Variants in FKTN observed in about 807,000 individuals in gnomAD.
FKTN encodes fukutin.
In FKTN, 47 loss-of-function variants were observed where a neutral mutation model predicts 58.6. The ratio of observed to expected loss-of-function variants is 0.80; its 90% CI spans 0.63 to 1.02. The LOEUF (loss-of-function observed/expected upper bound fraction) is 1.02. FKTN is among the 50% of genes least tolerant of loss of function. FKTN has a pLI of 0.00. For missense variants in FKTN, 516 were observed against 537.3 expected, an observed-to-expected ratio of 0.96 and a Z score of 0.39; for synonymous variants, 178 against 191.9, an observed-to-expected ratio of 0.93 and a Z score of 0.60.
intron 3 of FKTN, among the ~76,000 whole-genome samples, chr9:105,592,703 T>C (rs981734122): frequency 6.6e-6 from 1 of 152,198 alleles, no homozygotes; most frequent in Non-Finnish European, 1.5e-5. Flanking sequence ...GTTCAGAGTT[T>C]CACAGATCTC....
intron 10 of FKTN, among the ~76,000 whole-genome samples, chr9:105,628,191 G>A (rs1451773332): frequency 6.6e-6 from 1 of 152,054 alleles, no homozygotes; most frequent in Non-Finnish European, 1.5e-5. Context: ...TTCTTTAAAT[G>A]AGTGTATTTA....
intron 3 of FKTN, among the ~76,000 whole-genome samples, chr9:105,577,704 A>T (rs1842010210): frequency 1.3e-5 from 2 of 151,298 alleles, no homozygotes; most frequent in Non-Finnish European, 2.9e-5. Context: ...AATTCTGTGA[A>T]GAAAGTCATT....
chr9:105,565,036 TC>T (rs878866986), intron 1 of FKTN, among the ~76,000 whole-genome samples: 1 of 152,138 alleles, frequency 6.6e-6, no homozygotes, highest in South Asian at 2.1e-4. Context: ...GAATTTCATA[TC>T]CAGCCAAACT....
intron 3 of FKTN, among the ~76,000 whole-genome samples, chr9:105,590,834 G>A (rs1390061739): frequency 1.3e-5 from 2 of 152,132 alleles, no homozygotes; most frequent in Non-Finnish European, 2.9e-5. Flanking sequence ...TCATGGTTCT[G>A]CAGGCTGTAG....
intron 1 of FKTN, among the ~76,000 whole-genome samples, chr9:105,570,954 T>A (rs144646283): frequency 6.6e-6 from 1 of 152,300 alleles, no homozygotes; most frequent in African/African-American, 2.4e-5. Flanking sequence ...GGAATACTCA[T>A]GCAAAAACCA....
At chr9:105,577,750 T>A (rs1842018997) in intron 3 of FKTN, among the ~76,000 whole-genome samples, 1 of 151,090 alleles carries the variant, frequency 6.6e-6, no homozygotes, top group African/African-American at 2.5e-5. Context: ...ATCTGTAAAT[T>A]ACCTTGGGCA....
chr9:105,614,242 T>C (rs1205658565), intron 7 of FKTN, among the ~76,000 whole-genome samples: 1 of 152,164 alleles, frequency 6.6e-6, no homozygotes, highest in Admixed American at 6.5e-5. Context: ...AAAACCAAGA[T>C]GACTAAATGA....
At chr9:105,591,588 C>A (rs554392707) in intron 3 of FKTN, among the ~76,000 whole-genome samples, 3 of 152,292 alleles carry the variant, frequency 2.0e-5, no homozygotes, top group East Asian at 1.9e-4. Flanking sequence ...GTTCAGCCCC[C>A]ACAACTGCTC....
At chr9:105,588,628 C>G (rs778297163) in intron 3 of FKTN, among the ~76,000 whole-genome samples, 19 of 152,184 alleles carry the variant, frequency 1.2e-4, no homozygotes, top group Admixed American at 3.3e-4. Context: ...CACTTCATAA[C>G]TTTTCTGTTC....
intron 1 of FKTN, among the ~76,000 whole-genome samples, chr9:105,572,028 T>G (rs529225090): frequency 5.3e-4 from 80 of 152,300 alleles, no homozygotes; most frequent in African/African-American, 1.9e-3. Flanking sequence ...AAACCTCTAT[T>G]TGATAATTGT....
chr9:105,588,251 C>T (rs896613122), intron 3 of FKTN, among the ~76,000 whole-genome samples: 7 of 152,192 alleles, frequency 4.6e-5, no homozygotes, highest in African/African-American at 1.7e-4. Flanking sequence ...TCAGTTGCTA[C>T]CAGACTTTTC....
At chr9:105,613,242 C>T (rs1181675663) in intron 7 of FKTN, among the ~76,000 whole-genome samples, 1 of 152,192 alleles carries the variant, frequency 6.6e-6, no homozygotes, top group Non-Finnish European at 1.5e-5. Context: ...AGGTCTCCAC[C>T]TCTTAACTCC....
intron 4 of FKTN, among the ~76,000 whole-genome samples, chr9:105,599,405 T>C (rs1284768853): frequency 2.0e-5 from 3 of 151,998 alleles, no homozygotes; most frequent in Non-Finnish European, 2.9e-5. Flanking sequence ...TTTTATTAAG[T>C]ATTTTTGCAT....
At chr9:105,586,616 A>G (rs1048639494) in intron 3 of FKTN, among the ~76,000 whole-genome samples, 1 of 152,234 alleles carries the variant, frequency 6.6e-6, no homozygotes, top group African/African-American at 2.4e-5. Flanking sequence ...AGCATCAATA[A>G]TTTTTGAGTT....
intron 3 of FKTN, among the ~76,000 whole-genome samples, chr9:105,591,287 A>G (rs1844822824): frequency 6.6e-6 from 1 of 152,210 alleles, no homozygotes; most frequent in Non-Finnish European, 1.5e-5. Context: ...CAATAGTTCA[A>G]AGTCTCATCT....
intron 10 of FKTN, among the ~76,000 whole-genome samples, chr9:105,627,470 A>ACTC (rs1231605070): frequency 6.6e-6 from 1 of 151,828 alleles, no homozygotes; most frequent in Non-Finnish European, 1.5e-5. Flanking sequence ...TCAAATTTAG[A>ACTC]CTCTATACTT....
At chr9:105,573,130 G>T (rs1210532181) in intron 1 of FKTN, among the ~76,000 whole-genome samples, 2 of 152,028 alleles carry the variant, frequency 1.3e-5, no homozygotes, top group Non-Finnish European at 2.9e-5. Flanking sequence ...AGTTACTCGG[G>T]AGGCTGAGAT....
chr9:105,607,838 A>G lies in FKTN; in HGVS notation c.667A>G (p.Thr223Ala). 1.2e-6 allele frequency: 2 copies of G among 1,612,956 alleles called. No homozygotes were observed. The highest frequency in any genetic ancestry group is 1.7e-6 in the Non-Finnish European group (2 of 1,179,274). Reference sequence around the variant, plus strand: ...TTTCAGGCCAGAGTTACAGCAAGTTACTGTTGATGGACTGGAAGTTCTCAT... The same window carrying G: ...TTTCAGGCCAGAGTTACAGCAAGTTGCTGTTGATGGACTGGAAGTTCTCAT... Reference protein sequence around the residue: ...AFDRPELQQVTVDGLEVLIPK... With the variant: ...AFDRPELQQVAVDGLEVLIPK... The change falls in exon 7 of 11, where the codon ACT becomes GCT. Residue 223 changes from threonine to alanine, a missense_variant. Transcript: ENST00000357998.
At chr9:105,560,133 A>G (rs373653405) in intron 1 of FKTN, among the ~76,000 whole-genome samples, 1 of 152,226 alleles carries the variant, frequency 6.6e-6, no homozygotes, top group African/African-American at 2.4e-5. Context: ...TATCATTTAC[A>G]TATTTATTTA....
Sources: gnomAD v4.1 joint callset for allele counts (sites outside exome capture counted in the v4.1 genomes callset) on GRCh38, gnomAD v4.1.1 for gene constraint, MANE v1.5 for transcripts, NCBI Gene and HGNC (gene_info 2026-07-23, HGNC 2026-07-21) for gene names.